Variants in DOCK4 observed in about 807,000 individuals in gnomAD.
DOCK4 encodes dedicator of cytokinesis protein 4.
In DOCK4, 97 loss-of-function variants were observed where a neutral mutation model predicts 268.1. The observed-to-expected ratio is 0.36, with a 90% CI of 0.31 to 0.43. The LOEUF (loss-of-function observed/expected upper bound fraction) is 0.43. Ranked by LOEUF, DOCK4 falls within the 20% of genes least tolerant of loss-of-function variation. The probability of loss-of-function intolerance (pLI) is 1.00; values close to 1 mark genes in which losing one functional copy is unlikely to be tolerated. For synonymous variants in DOCK4, 954 were observed against 887.2 expected (o/e 1.08, Z -1.34); for missense variants, 2,145 against 2,455.7 (o/e 0.87, Z 2.67).
chr7:112,100,598 G>A (rs2106913), intron 1 of DOCK4, among the ~76,000 whole-genome samples: 28,332 of 152,152 alleles, frequency 0.19, 2,774 homozygotes, highest in East Asian at 0.28. Flanking sequence ...AAAAGATGGC[G>A]ACGTACTTTG....
chr7:111,917,951 G>A (rs1281226233), intron 12 of DOCK4, among the ~76,000 whole-genome samples: 1 of 151,988 alleles, frequency 6.6e-6, no homozygotes, highest in Non-Finnish European at 1.5e-5. Context: ...CATGTGTAGA[G>A]GAAGGTCTTC....
chr7:111,771,544 T>C (rs1291850518), intron 36 of DOCK4, among the ~76,000 whole-genome samples: 1 of 152,132 alleles, frequency 6.6e-6, no homozygotes, highest in Non-Finnish European at 1.5e-5. Context: ...ATAACATAGG[T>C]AGCCATGGAA....
rs75222449 is a variant in DOCK4, at chr7:111,823,682, C to G, written c.2836-1226G>C. ...TGATTTAGATTTATTAACTAGAAAA[C>G]TTAAAGAGTTTTTGGTAACCTAAGT... On this transcript the variant is annotated intron_variant, in intron 26 of 52. Transcript: ENST00000428084. 0.011 allele frequency among the ~76,000 whole-genome samples: 1,626 copies of G among 152,232 alleles called. 60 individuals are homozygous for G. In the East Asian group the frequency reaches 0.13, roughly 12 times the overall value.
At chr7:111,745,723 C>T (rs1796219929) in intron 44 of DOCK4, among the ~76,000 whole-genome samples, 1 of 135,942 alleles carries the variant, frequency 7.4e-6, no homozygotes. Flanking sequence ...TGGCATCAAG[C>T]CTACAGCAAG....
At chr7:112,064,254 G>A (rs1196506579) in intron 1 of DOCK4, among the ~76,000 whole-genome samples, 1 of 152,122 alleles carries the variant, frequency 6.6e-6, no homozygotes, top group African/African-American at 2.4e-5. Context: ...AAATGTTCAT[G>A]GAAATTTAGC....
At chr7:112,062,699 A>T (rs1806536083) in intron 1 of DOCK4, among the ~76,000 whole-genome samples, 1 of 152,130 alleles carries the variant, frequency 6.6e-6, no homozygotes, top group South Asian at 2.1e-4. Context: ...GTTGTTGTTT[A>T]GACAGAGTCT....
At chr7:111,972,399 T>C (rs992383657) in intron 8 of DOCK4, among the ~76,000 whole-genome samples, 2 of 152,016 alleles carry the variant, frequency 1.3e-5, no homozygotes, top group Admixed American at 6.6e-5. Context: ...ATCTGTAAAA[T>C]TGGTGCTAAT....
At chr7:112,137,999 C>T (rs1215677858) in intron 1 of DOCK4, among the ~76,000 whole-genome samples, 1 of 152,204 alleles carries the variant, frequency 6.6e-6, no homozygotes, top group Non-Finnish European at 1.5e-5. Context: ...TCATCATCAT[C>T]ATCCACCTCT....
At chr7:112,165,772 T>G (rs1817563724) in intron 1 of DOCK4, among the ~76,000 whole-genome samples, 1 of 152,040 alleles carries the variant, frequency 6.6e-6, no homozygotes, top group Non-Finnish European at 1.5e-5. Context: ...AAACATAAAT[T>G]CTGTTAGAGT....
At chr7:111,917,202 G>T (rs1262195806) in intron 12 of DOCK4, among the ~76,000 whole-genome samples, 1 of 151,648 alleles carries the variant, frequency 6.6e-6, no homozygotes. Context: ...TGGCCAGGAT[G>T]GTCTCGAGCT....
intron 20 of DOCK4, among the ~76,000 whole-genome samples, chr7:111,871,784 AG>A (rs1434240200): frequency 6.6e-6 from 1 of 152,236 alleles, no homozygotes; most frequent in East Asian, 1.9e-4. Flanking sequence ...AATAGAATTC[AG>A]GAGGTTTTTT....
intron 1 of DOCK4, among the ~76,000 whole-genome samples, chr7:112,117,659 C>T (rs377626657): frequency 6.6e-6 from 1 of 152,224 alleles, no homozygotes; most frequent in African/African-American, 2.4e-5. Context: ...GCGTGAGCCA[C>T]TGTGCCCAGC....
intron 44 of DOCK4, among the ~76,000 whole-genome samples, chr7:111,745,348 G>A (rs1372601267): frequency 6.6e-6 from 1 of 152,132 alleles, no homozygotes; most frequent in East Asian, 1.9e-4. Context: ...CCTCATATTT[G>A]GAGTTGGCCT....
At chr7:111,837,878 G>A (rs1157387363) in intron 25 of DOCK4, among the ~76,000 whole-genome samples, 3 of 152,018 alleles carry the variant, frequency 2.0e-5, no homozygotes, top group Non-Finnish European at 4.4e-5. Context: ...CCTGAGGTCA[G>A]GAGTTTGAGA....
rs180702357 is a variant in DOCK4, at chr7:112,022,800, C to T, written c.38-18669G>A. Among the ~76,000 whole-genome samples, 29 of 152,264 alleles carry T rather than the reference C, an allele frequency of 1.9e-4. No homozygotes were observed. In the East Asian group the frequency reaches 4.4e-3, roughly 23 times the overall value. The stretch of plus-strand genomic sequence containing the variant: ...CAGTAAATGTTTCCCTGATGAAATG[C>T]TTATTTTCTTAATATCCAAACTCTG... On this transcript the variant is annotated intron_variant, in intron 1 of 52. Transcript: ENST00000428084.
intron 1 of DOCK4, among the ~76,000 whole-genome samples, chr7:112,161,085 C>T (rs79451783): frequency 0.019 from 2,936 of 152,240 alleles, 92 homozygotes; most frequent in African/African-American, 0.067. Context: ...TTGTAAGTGG[C>T]AAATTTCCTA....
rs1257215835 is a variant in DOCK4, at chr7:111,872,142, C to CT, written c.1927-53dup. 8.6e-3 allele frequency: 10,099 copies of CT among 1,174,644 alleles called. 5 individuals are homozygous for CT. The highest frequency in any genetic ancestry group is 0.014 in the South Asian group (811 of 56,806). 72.8% of individuals were successfully genotyped at this position (1,174,644 alleles called of 1,614,324 possible). A position where few individuals can be genotyped will look rare whatever the true frequency, so the allele number is the denominator to read the frequency against. ...AAACTAAATGCAAATCAAGGTTTTC[C>CT]TTTTTTTTTTGCTTCTTTTTAAAAT... is the stretch of plus-strand genomic sequence containing the variant. On this transcript the variant is annotated intron_variant, in intron 19 of 52. Transcript: ENST00000428084.
chr7:112,173,863 G>A (rs1484873875), intron 1 of DOCK4, among the ~76,000 whole-genome samples: 1 of 152,078 alleles, frequency 6.6e-6, no homozygotes, highest in African/African-American at 2.4e-5. Context: ...ACATAAGAGA[G>A]CAAGCAGAAT....
rs574910386 is a variant in DOCK4, at chr7:111,727,963, G to A, written c.*311C>T. 9.1e-5 allele frequency: 24 copies of A among 263,500 alleles called. No individual in the cohort carries two copies. Among genetic ancestry groups the A allele is most frequent in the Admixed American group, 5.3e-4 (10 of 18,752 alleles). 16.3% of individuals were successfully genotyped at this position (263,500 alleles called of 1,614,324 possible). ...ACACATTGTATCGTTTGACAATATC[G>A]TATTGGTTTTAAGATTAAACTATAT... On this transcript the variant is annotated 3_prime_UTR_variant, in exon 53 of 53. Transcript: ENST00000428084.
Sources: gnomAD v4.1 joint callset for allele counts (sites outside exome capture counted in the v4.1 genomes callset) on GRCh38, gnomAD v4.1.1 for gene constraint, MANE v1.5 for transcripts, NCBI Gene and HGNC (gene_info 2026-07-23, HGNC 2026-07-21) for gene names.